CALN1: variants seen among roughly 807,000 people sequenced by gnomAD.
The protein encoded by CALN1 is calcium-binding protein 8.
Under a neutral mutation model 30.6 loss-of-function variants are expected in CALN1, and 17 were observed. The observed-to-expected ratio is 0.56, with a 90% CI of 0.38 to 0.83. CALN1 has a LOEUF of 0.83. Among genes scored for constraint, CALN1 ranks in the 40% least tolerant of loss-of-function variants. The probability of loss-of-function intolerance (pLI) is 0.00; values close to 1 mark genes in which losing one functional copy is unlikely to be tolerated. For missense variants in CALN1, 291 were observed against 354.9 expected (o/e 0.82, Z 1.45); for synonymous variants, 156 against 131.4 (o/e 1.19, Z -1.28).
At chr7:72,436,584 A>C (rs1298448047) in intron 1 of CALN1, among the ~76,000 whole-genome samples, 2 of 152,170 alleles carry the variant, frequency 1.3e-5, no homozygotes, top group African/African-American at 4.8e-5. Context: ...TGGGCCTGGC[A>C]GCTGGCCACC....
chr7:72,101,833 A>G (rs1047446133), intron 4 of CALN1, among the ~76,000 whole-genome samples: 8 of 152,126 alleles, frequency 5.3e-5, no homozygotes, highest in Non-Finnish European at 1.2e-4. Context: ...GGGCACGCCA[A>G]AAGCCCAGTC....
At chr7:71,796,602 C>A (rs1786941794) in intron 6 of CALN1, among the ~76,000 whole-genome samples, 1 of 152,054 alleles carries the variant, frequency 6.6e-6, no homozygotes, top group Non-Finnish European at 1.5e-5. Flanking sequence ...TCATGATCCA[C>A]CTGCCTCGGC....
chr7:72,125,674 G>A (rs1808701167), intron 3 of CALN1, among the ~76,000 whole-genome samples: 1 of 151,978 alleles, frequency 6.6e-6, no homozygotes, highest in Non-Finnish European at 1.5e-5. Flanking sequence ...TTCTTTAGTG[G>A]TGATTTCTGA....
the CALN1 span, among the ~76,000 whole-genome samples, chr7:72,481,714 G>A: frequency 3.2e-4 from 48 of 152,182 alleles, no homozygotes; most frequent in African/African-American, 1.1e-3. Context: ...TCTTTAACCC[G>A]TGGGTTTTTT....
intron 5 of CALN1, among the ~76,000 whole-genome samples, chr7:71,839,416 C>G (rs937558052): frequency 2.0e-5 from 3 of 152,160 alleles, no homozygotes; most frequent in African/African-American, 7.2e-5. Context: ...CCTGTAATCC[C>G]AGCTAGTCAG....
intron 5 of CALN1, among the ~76,000 whole-genome samples, chr7:71,930,266 C>T (rs1335110343): frequency 6.6e-6 from 1 of 152,212 alleles, no homozygotes; most frequent in African/African-American, 2.4e-5. Context: ...ATATAGCCAT[C>T]CTAGCAGGAT....
chr7:71,958,577 G>T lies in CALN1; in HGVS notation c.501+65080C>A, dbSNP rs60038723. On this transcript the variant is annotated intron_variant, in intron 5 of 6. Coordinates refer to ENST00000395275, the MANE Select transcript of CALN1 (RefSeq NM_031468.4). ...GAAGCTCATTTTCCTTTCCTCAAAA[G>T]GACTTGCCTCTCCACCCATCTTAGG... 0.027 allele frequency among the ~76,000 whole-genome samples: 4,099 copies of T among 152,236 alleles called. 408 individuals are homozygous for T. The East Asian group carries it at 0.38, about 14-fold the overall frequency.
intron 1 of CALN1, among the ~76,000 whole-genome samples, chr7:72,443,243 G>A (rs1049424853): frequency 1.3e-5 from 2 of 152,148 alleles, no homozygotes; most frequent in Non-Finnish European, 2.9e-5. Context: ...TGCAAGTTCC[G>A]CAAGAGCAGG....
rs569432917 is a variant in CALN1 at position 71,787,462 on chromosome 7, G to A, written c.*313C>T. ...ATACCTGGATGGCTGCTGGAATTCC[G>A]AGATGAAGATGAAGTTTTTCTCTAG... On this transcript the variant is annotated 3_prime_UTR_variant, in exon 7 of 7. Transcript: ENST00000395275. 17 of 269,840 alleles carry A rather than the reference G, an allele frequency of 6.3e-5. No individual in the cohort carries two copies. In the South Asian group the frequency reaches 6.6e-4, roughly 10 times the overall value. The allele number at this position is 269,840 out of a possible 1,614,324, so 16.7% of individuals were successfully genotyped here. A position where few individuals can be genotyped will look rare whatever the true frequency, so the allele number is the denominator to read the frequency against.
At chr7:71,815,954 C>G (rs546563478) in intron 5 of CALN1, among the ~76,000 whole-genome samples, 1 of 151,358 alleles carries the variant, frequency 6.6e-6, no homozygotes, top group South Asian at 2.1e-4. Context: ...CATAGCTTAC[C>G]GCAGCCTCAA....
intron 4 of CALN1, among the ~76,000 whole-genome samples, chr7:72,057,516 G>A (rs1042280251): frequency 2.0e-5 from 3 of 150,936 alleles, no homozygotes; most frequent in Non-Finnish European, 2.9e-5. Flanking sequence ...GTGAGAAATG[G>A]AAAAGAATAA....
At chr7:71,809,676 T>G (rs1787826656) in intron 6 of CALN1, among the ~76,000 whole-genome samples, 1 of 152,000 alleles carries the variant, frequency 6.6e-6, no homozygotes, top group Admixed American at 6.6e-5. Context: ...CTCTACTGAT[T>G]AGGAGATTCA....
chr7:72,357,830 T>A (rs928572311), intron 2 of CALN1, among the ~76,000 whole-genome samples: 41 of 146,656 alleles, frequency 2.8e-4, no homozygotes, highest in Non-Finnish European at 4.6e-4. Context: ...ATATATATTT[T>A]TATATATTTA....
intron 2 of CALN1, among the ~76,000 whole-genome samples, chr7:72,393,654 A>G (rs897654615): frequency 6.6e-6 from 1 of 151,998 alleles, no homozygotes; most frequent in Non-Finnish European, 1.5e-5. Flanking sequence ...ATGCCAAAAG[A>G]ATAGGTATAC....
At chr7:71,901,845 A>G (rs1793867942) in intron 5 of CALN1, among the ~76,000 whole-genome samples, 2 of 152,190 alleles carry the variant, frequency 1.3e-5, no homozygotes, top group African/African-American at 2.4e-5. Context: ...CCTCATCTGG[A>G]TGTTGACTTT....
In CALN1 at chr7:71,907,266, AC is replaced by A. The variant is rs973817995; in HGVS notation, c.502-96775del. 1.4e-4 allele frequency among the ~76,000 whole-genome samples: 21 copies of A among 152,194 alleles called. No individual in the cohort carries two copies. In the East Asian group the frequency reaches 2.5e-3, roughly 18 times the overall value. Reference sequence around the variant, plus strand: ...CACACACACACACACACACACACACACAACTTAAGGAAGGCTTGATGTGTTC... The same window carrying A: ...CACACACACACACACACACACACACAAACTTAAGGAAGGCTTGATGTGTTC... On this transcript the variant is annotated intron_variant, in intron 5 of 6. Transcript: ENST00000395275.
At chr7:72,052,955 T>G (rs1002480819) in intron 4 of CALN1, among the ~76,000 whole-genome samples, 4 of 148,104 alleles carry the variant, frequency 2.7e-5, no homozygotes, top group African/African-American at 9.8e-5. Flanking sequence ...CAAGGCCAGG[T>G]GCGGTGGCTC....
intron 4 of CALN1, among the ~76,000 whole-genome samples, chr7:72,054,536 T>TAG: frequency 8.1e-6 from 1 of 123,886 alleles, no homozygotes; most frequent in South Asian, 2.6e-4. Context: ...TACATACATA[T>TAG]ATATATACAT....
chr7:72,433,469 G>A (rs970973445), intron 1 of CALN1, among the ~76,000 whole-genome samples: 2 of 152,148 alleles, frequency 1.3e-5, no homozygotes, highest in Non-Finnish European at 2.9e-5. Flanking sequence ...ATTATGCCAA[G>A]GCTGGGAGCC....
Sources: gnomAD v4.1 joint callset for allele counts (sites outside exome capture counted in the v4.1 genomes callset) on GRCh38, gnomAD v4.1.1 for gene constraint, MANE v1.5 for transcripts, NCBI Gene and HGNC (gene_info 2026-07-23, HGNC 2026-07-21) for gene names.